Variants in ALK observed in about 807,000 individuals in gnomAD.
ALK encodes ALK tyrosine kinase receptor.
ALK carries 74 observed loss-of-function variants against 163.1 expected under a neutral mutation model. The ratio of observed to expected loss-of-function variants is 0.45; its 90% CI spans 0.38 to 0.55. The LOEUF (loss-of-function observed/expected upper bound fraction) is 0.55, where lower values mean the gene tolerates loss of function less well. Ranked by LOEUF, ALK falls within the 20% of genes least tolerant of loss-of-function variation. The probability of loss-of-function intolerance (pLI) is 0.00; values close to 1 mark genes in which losing one functional copy is unlikely to be tolerated. For missense variants in ALK, 2,063 were observed against 2,105.3 expected (o/e 0.98, Z 0.39); for synonymous variants, 960 against 843.2 (o/e 1.14, Z -2.40).
At chr2:29,575,534 C>T (rs11688563) in intron 3 of ALK, among the ~76,000 whole-genome samples, 24,814 of 152,136 alleles carry the variant, frequency 0.16, 2,148 homozygotes, top group African/African-American at 0.19. Flanking sequence ...CACGAAGGCT[C>T]GGGTCAGTGC....
chr2:29,887,528 G>A (rs573144996), intron 1 of ALK, among the ~76,000 whole-genome samples: 2 of 152,306 alleles, frequency 1.3e-5, no homozygotes, highest in South Asian at 4.1e-4. Flanking sequence ...GATTCAAGGG[G>A]AGGGACATAG....
intron 1 of ALK, among the ~76,000 whole-genome samples, chr2:29,778,364 G>A (rs558183122): frequency 6.6e-6 from 1 of 152,328 alleles, no homozygotes; most frequent in African/African-American, 2.4e-5. Flanking sequence ...TGCCTATGTG[G>A]TTGGACCAGG....
rs79547390 is a variant in ALK at position 29,466,966 on chromosome 2, T to C, written c.1154+64949A>G. On this transcript the variant is annotated intron_variant, in intron 4 of 28. Transcript: ENST00000389048. ...GACATCTGTAATTTTGTGTGATGTGTGATCAGTATTTCTTCTTTTTTGGGA... is the reference window on the plus strand; with the variant it reads ...GACATCTGTAATTTTGTGTGATGTGCGATCAGTATTTCTTCTTTTTTGGGA... Among the ~76,000 whole-genome samples the C allele has an allele frequency of 5.4e-3, 816 of 152,322 alleles. 9 individuals carry two copies. Among genetic ancestry groups the C allele is most frequent in the African/African-American group, 0.017 (727 of 41,564 alleles).
intron 4 of ALK, among the ~76,000 whole-genome samples, chr2:29,390,152 T>A (rs1237835070): frequency 6.6e-6 from 1 of 152,146 alleles, no homozygotes; most frequent in Admixed American, 6.5e-5. Context: ...CTCCCTGAGG[T>A]TAGAAACTGT....
chr2:29,202,405 A>C (rs1375820910), intron 26 of ALK, among the ~76,000 whole-genome samples: 1 of 152,234 alleles, frequency 6.6e-6, no homozygotes, highest in Non-Finnish European at 1.5e-5. Flanking sequence ...CAAAACTTTA[A>C]AAAGGAACAG....
At chr2:29,609,793 G>A (rs916780699) in intron 3 of ALK, among the ~76,000 whole-genome samples, 1 of 152,080 alleles carries the variant, frequency 6.6e-6, no homozygotes, top group African/African-American at 2.4e-5. Context: ...ACAGGCACAA[G>A]CCACCACACT....
At chr2:29,274,530 C>T (rs951449396) in intron 11 of ALK, among the ~76,000 whole-genome samples, 1 of 152,240 alleles carries the variant, frequency 6.6e-6, no homozygotes, top group Non-Finnish European at 1.5e-5. Context: ...GGAGAAGTCA[C>T]ACCTGTGGTT....
At chr2:29,413,611 A>C (rs1669786928) in intron 4 of ALK, among the ~76,000 whole-genome samples, 1 of 152,140 alleles carries the variant, frequency 6.6e-6, no homozygotes, top group Non-Finnish European at 1.5e-5. Flanking sequence ...AGCTCACTGC[A>C]ACCTCCACCT....
intron 1 of ALK, among the ~76,000 whole-genome samples, chr2:29,732,512 C>T (rs1278932333): frequency 1.3e-5 from 2 of 152,196 alleles, no homozygotes; most frequent in Admixed American, 1.3e-4. Flanking sequence ...AGGTTTAACT[C>T]ACCCTTGGGG....
At chr2:29,805,610 T>C (rs1358964902) in intron 1 of ALK, among the ~76,000 whole-genome samples, 5 of 152,200 alleles carry the variant, frequency 3.3e-5, no homozygotes, top group Non-Finnish European at 7.4e-5. Context: ...TTCCTGTTCC[T>C]GTGTTACTTT....
intron 1 of ALK, among the ~76,000 whole-genome samples, chr2:29,744,471 T>A (rs771691251): frequency 6.6e-6 from 1 of 152,150 alleles, no homozygotes; most frequent in Non-Finnish European, 1.5e-5. Context: ...GCAGCTTGTC[T>A]CTGGTCAACT....
chr2:29,667,222 A>G (rs1345656674), intron 3 of ALK, among the ~76,000 whole-genome samples: 1 of 152,108 alleles, frequency 6.6e-6, no homozygotes, highest in Non-Finnish European at 1.5e-5. Flanking sequence ...TGGAACATAT[A>G]GTAGTTTTAT....
At chr2:29,610,540 C>G (rs1348342061) in intron 3 of ALK, among the ~76,000 whole-genome samples, 2 of 152,102 alleles carry the variant, frequency 1.3e-5, no homozygotes, top group Non-Finnish European at 1.5e-5. Context: ...AAATTCCACT[C>G]ACACCAGCCA....
intron 5 of ALK, among the ~76,000 whole-genome samples, chr2:29,383,319 GA>G (rs976890452): frequency 6.6e-6 from 1 of 151,702 alleles, no homozygotes; most frequent in African/African-American, 2.4e-5. Context: ...AAACACTCTA[GA>G]CTTTTTTTTT....
At chr2:29,544,782 TGAG>T (rs1673509660) in intron 3 of ALK, among the ~76,000 whole-genome samples, 2 of 152,026 alleles carry the variant, frequency 1.3e-5, no homozygotes, top group African/African-American at 4.8e-5. Context: ...TCTCGCTACC[TGAG>T]GAGACTTAAA....
chr2:29,722,321 C>A (rs1252066512), intron 1 of ALK, among the ~76,000 whole-genome samples: 1 of 152,220 alleles, frequency 6.6e-6, no homozygotes, highest in East Asian at 1.9e-4. Context: ...CTGTACCTAA[C>A]TGAAGACTCT....
intron 11 of ALK, among the ~76,000 whole-genome samples, chr2:29,254,714 C>T (rs1369762918): frequency 6.6e-6 from 1 of 152,150 alleles, no homozygotes; most frequent in African/African-American, 2.4e-5. Context: ...AGGCAAAGTG[C>T]TTAGTACAAC....
chr2:29,640,888 T>C (rs1468465819), intron 3 of ALK, among the ~76,000 whole-genome samples: 1 of 152,176 alleles, frequency 6.6e-6, no homozygotes, highest in Non-Finnish European at 1.5e-5. Flanking sequence ...AGCTGAAATC[T>C]TAAGGATAAG....
intron 1 of ALK, among the ~76,000 whole-genome samples, chr2:29,752,853 G>T (rs1011108838): frequency 6.6e-6 from 1 of 152,100 alleles, no homozygotes; most frequent in Non-Finnish European, 1.5e-5. Flanking sequence ...GGAGCGAAAG[G>T]ACTCACCCAA....
Sources: gnomAD v4.1 joint callset for allele counts (sites outside exome capture counted in the v4.1 genomes callset) on GRCh38, gnomAD v4.1.1 for gene constraint, MANE v1.5 for transcripts, NCBI Gene and HGNC (gene_info 2026-07-23, HGNC 2026-07-21) for gene names.